CFAP20DC: variants seen among roughly 807,000 people sequenced by gnomAD.
CFAP20DC encodes CFAP20 domain containing.
A neutral mutation model predicts 101.7 loss-of-function variants in CFAP20DC; 84 were observed. The observed-to-expected ratio is 0.83, with a 90% CI of 0.69 to 0.99. The LOEUF (loss-of-function observed/expected upper bound fraction) is 0.99. Among genes scored for constraint, CFAP20DC ranks in the 50% least tolerant of loss-of-function variants. CFAP20DC has a pLI of 0.00. For missense variants in CFAP20DC, 1,007 were observed against 970.3 expected (o/e 1.04, Z -0.50); for synonymous variants, 359 against 351.2 (o/e 1.02, Z -0.25).
At chr3:58,817,400 T>C (rs2075276909) in intron 14 of CFAP20DC, among the ~76,000 whole-genome samples, 1 of 150,340 alleles carries the variant, frequency 6.7e-6, no homozygotes, top group East Asian at 1.9e-4. Context: ...GAAAAAAATT[T>C]AGAAGAATGT....
At chr3:58,988,660 G>A (rs750005588) in intron 4 of CFAP20DC, among the ~76,000 whole-genome samples, 60 of 152,122 alleles carry the variant, frequency 3.9e-4, no homozygotes, top group Non-Finnish European at 6.9e-4. Flanking sequence ...ATGATACTTC[G>A]TTAAAGCAGC....
At chr3:59,034,323 A>G (rs894694258) in intron 4 of CFAP20DC, among the ~76,000 whole-genome samples, 3 of 152,230 alleles carry the variant, frequency 2.0e-5, no homozygotes, top group Admixed American at 2.0e-4. Flanking sequence ...TCATAATGAC[A>G]GGATCAAATT....
intron 4 of CFAP20DC, among the ~76,000 whole-genome samples, chr3:58,978,168 T>C (rs2092361007): frequency 6.6e-6 from 1 of 152,024 alleles, no homozygotes; most frequent in Admixed American, 6.6e-5. Context: ...CACCCTACCA[T>C]TTACCTTCCT....
chr3:59,011,234 C>G (rs1264365785), intron 4 of CFAP20DC, among the ~76,000 whole-genome samples: 2 of 152,044 alleles, frequency 1.3e-5, no homozygotes, highest in Non-Finnish European at 2.9e-5. Context: ...CCTGTCTCTA[C>G]TAAAAATACA....
chr3:58,923,077 T>C (rs1235282382), intron 5 of CFAP20DC, among the ~76,000 whole-genome samples: 5 of 152,108 alleles, frequency 3.3e-5, no homozygotes, highest in African/African-American at 1.2e-4. Context: ...TGGCTAATTT[T>C]TATATTTTTA....
chr3:58,893,530 T>A (rs1466541519), intron 6 of CFAP20DC, among the ~76,000 whole-genome samples: 1 of 152,236 alleles, frequency 6.6e-6, no homozygotes, highest in Non-Finnish European at 1.5e-5. Flanking sequence ...GCTGCTGGAT[T>A]TGGTTTGCCA....
At chr3:58,970,234 A>G (rs1287466351) in intron 4 of CFAP20DC, 1 of 152,132 alleles carries the variant, frequency 6.6e-6, no homozygotes, top group African/African-American at 2.4e-5. Flanking sequence ...TCAAGTCCTA[A>G]CCCTGGTACA....
chr3:58,792,733 T>C (rs1301182278), intron 15 of CFAP20DC, among the ~76,000 whole-genome samples: 1 of 151,708 alleles, frequency 6.6e-6, no homozygotes, highest in Non-Finnish European at 1.5e-5. Context: ...TTATAAATAC[T>C]CCATGAGTTC....
intron 2 of CFAP20DC, 38 bp from the exon 3 acceptor site, chr3:59,046,360 AT>A: frequency 7.9e-7 from 1 of 1,268,018 alleles, no homozygotes; most frequent in Non-Finnish European, 1.1e-6. Flanking sequence ...ATCACAGGAT[AT>A]TTTATTTGGC....
chr3:58,760,336 G>C (rs892537929), intron 15 of CFAP20DC, among the ~76,000 whole-genome samples: 18 of 152,132 alleles, frequency 1.2e-4, no homozygotes, highest in African/African-American at 4.3e-4. Context: ...CTCTCTGTTT[G>C]TCTGTTATTG....
chr3:58,992,022 T>G (rs1193708953), intron 4 of CFAP20DC, among the ~76,000 whole-genome samples: 2 of 152,210 alleles, frequency 1.3e-5, no homozygotes, highest in Non-Finnish European at 2.9e-5. Flanking sequence ...TCTACAGTAT[T>G]AAGTATTTTG....
At chr3:58,743,734 G>A (rs2068008703) in intron 16 of CFAP20DC, among the ~76,000 whole-genome samples, 1 of 152,168 alleles carries the variant, frequency 6.6e-6, no homozygotes, top group South Asian at 2.1e-4. Flanking sequence ...TGGTGGTGGT[G>A]GTTGTGGGGT....
intron 4 of CFAP20DC, among the ~76,000 whole-genome samples, chr3:59,035,659 C>A (rs1262411507): frequency 2.6e-5 from 4 of 152,150 alleles, no homozygotes; most frequent in African/African-American, 7.2e-5. Context: ...GAAGTTGAAT[C>A]CCTGAGTAGA....
intron 14 of CFAP20DC, among the ~76,000 whole-genome samples, chr3:58,816,070 T>C (rs2075104730): frequency 6.6e-6 from 1 of 151,878 alleles, no homozygotes; most frequent in African/African-American, 2.4e-5. Context: ...CGTATATTTA[T>C]TGTGGCATTA....
intron 5 of CFAP20DC, among the ~76,000 whole-genome samples, chr3:58,924,412 CT>C (rs200055668): frequency 0.018 from 2,676 of 152,134 alleles, 93 homozygotes; most frequent in African/African-American, 0.061. Flanking sequence ...TGATTTCATT[CT>C]TTTTTTATGG....
intron 4 of CFAP20DC, among the ~76,000 whole-genome samples, chr3:58,985,288 T>C (rs1313447016): frequency 6.6e-6 from 1 of 152,096 alleles, no homozygotes; most frequent in Non-Finnish European, 1.5e-5. Flanking sequence ...CTGAAAAATT[T>C]CTCTGAGAGT....
At chr3:59,047,049 G>C in intron 2 of CFAP20DC, 116 bp downstream of exon 2, 1 of 680,030 alleles carries the variant, frequency 1.5e-6, no homozygotes, top group Admixed American at 2.6e-5. Flanking sequence ...TCATGAAAGG[G>C]TTTTGGAGTG....
intron 5 of CFAP20DC, among the ~76,000 whole-genome samples, chr3:58,923,994 A>G (rs1311421052): frequency 6.6e-6 from 1 of 152,050 alleles, no homozygotes; most frequent in Non-Finnish European, 1.5e-5. Flanking sequence ...TTTTACTGAC[A>G]TTCTCCAGTG....
At chr3:58,880,210 T>A (rs2081125290) in intron 7 of CFAP20DC, among the ~76,000 whole-genome samples, 1 of 152,180 alleles carries the variant, frequency 6.6e-6, no homozygotes, top group Non-Finnish European at 1.5e-5. Context: ...TACTAGTCCC[T>A]GTTTTCAAAG....
Sources: gnomAD v4.1 joint callset for allele counts (sites outside exome capture counted in the v4.1 genomes callset) on GRCh38, gnomAD v4.1.1 for gene constraint, MANE v1.5 for transcripts, NCBI Gene and HGNC (gene_info 2026-07-23, HGNC 2026-07-21) for gene names.